The following PRRT4 variants were observed in gnomAD, a reference collection of about 807,000 sequenced individuals.
The protein encoded by PRRT4 is proline-rich transmembrane protein 4.
A neutral mutation model predicts 55.6 loss-of-function variants in PRRT4; 59 were observed. That is an observed-to-expected ratio of 1.06 (90% confidence interval 0.86 to 1.32). PRRT4 has a LOEUF of 1.32. Among genes scored for constraint, PRRT4 ranks in the 40% most tolerant of loss-of-function variants. The pLI is 0.00. For synonymous variants in PRRT4, 606 were observed against 601.8 expected, an observed-to-expected ratio of 1.01 and a Z score of -0.10; for missense variants, 1,217 against 1,222.0, an observed-to-expected ratio of 1.00 and a Z score of 0.06.
At chr7:128,359,594 G>C (rs759050341) in exon 2 of PRRT4, 1 of 1,516,090 alleles carries the variant, frequency 6.6e-7, no homozygotes, top group South Asian at 1.3e-5. Context: ...AGAGCGCCGG[G>C]ATGTGGACTC....
intron 1 of PRRT4, among the ~76,000 whole-genome samples, chr7:128,360,712 A>T (rs922049692): frequency 1.3e-5 from 2 of 149,862 alleles, no homozygotes; most frequent in African/African-American, 4.9e-5. Context: ...CTTCCCTAGG[A>T]CCCTTGAAGT....
chr7:128,351,940 G>A lies in PRRT4; in HGVS notation c.1616C>T (p.Thr539Ile), dbSNP rs1333525576. 11 of 1,295,192 alleles carry A rather than the reference G, an allele frequency of 8.5e-6. No homozygotes were observed. In the East Asian group the frequency reaches 9.4e-5, roughly 11 times the overall value. The allele number at this position is 1,295,192 out of a possible 1,614,324, so 80.2% of individuals were successfully genotyped here. Residue 539 changes from threonine (T) to isoleucine (I), a missense_variant, in exon 5 of 5, where the codon ACA becomes ATA. Thr to Ile is a moderately conservative substitution (Grantham distance 89). Transcript: ENST00000535159. ...GGGGCTGCGCCCCTGCGGCAGGGGTGTGGCGCCCTTGAAGCCCGACCCTCC... is the reference window on the plus strand; with the variant it reads ...GGGGCTGCGCCCCTGCGGCAGGGGTATGGCGCCCTTGAAGCCCGACCCTCC...
chr7:128,356,419 A>G (rs1797112717), intron 4 of PRRT4, among the ~76,000 whole-genome samples: 1 of 152,212 alleles, frequency 6.6e-6, no homozygotes, highest in Non-Finnish European at 1.5e-5. Flanking sequence ...GTGAATGGGG[A>G]CAGGTGGAAA....
chr7:128,351,805 C>T (rs1796981217), exon 5 of PRRT4: 2 of 1,418,888 alleles, frequency 1.4e-6, no homozygotes, highest in South Asian at 1.5e-5. Context: ...GCCGCCGTAG[C>T]CCAGGGCGTG....
At chr7:128,357,466 C>T (rs886399635) in intron 4 of PRRT4, among the ~76,000 whole-genome samples, 1 of 152,128 alleles carries the variant, frequency 6.6e-6, no homozygotes, top group African/African-American at 2.4e-5. Context: ...CCAGCGCTGT[C>T]ACCAAGGCCG....
At chr7:128,352,316 C>T (rs1408007732) in exon 5 of PRRT4, 1 of 1,542,058 alleles carries the variant, frequency 6.5e-7, no homozygotes, top group Non-Finnish European at 8.7e-7. Flanking sequence ...AGCGGGAAGG[C>T]CCGCGTGGTC....
chr7:128,359,059 T>G, intron 3 of PRRT4, 90 bp downstream of exon 4: 2 of 1,381,054 alleles, frequency 1.4e-6, no homozygotes, highest in Non-Finnish European at 2.0e-6. Context: ...TGCAAGAAAG[T>G]AAAAAAAGAA....
At chr7:128,352,318 C>A (rs1399597183) in exon 5 of PRRT4, 1 of 1,542,088 alleles carries the variant, frequency 6.5e-7, no homozygotes, top group South Asian at 1.2e-5. Flanking sequence ...CGGGAAGGCC[C>A]GCGTGGTCCC....
chr7:128,351,996 G>C, exon 5 of PRRT4: 4 of 1,309,030 alleles, frequency 3.1e-6, no homozygotes, highest in Non-Finnish European at 3.9e-6. Context: ...GCCGCCGCCC[G>C]CCCCAGCAGG....
At chr7:128,354,212 A>AC (rs1221419657) in intron 4 of PRRT4, among the ~76,000 whole-genome samples, 2 of 152,042 alleles carry the variant, frequency 1.3e-5, no homozygotes. Context: ...ACACAGGAAG[A>AC]CCCCAGGAGC....
Position 128,352,185 on chromosome 7 carries a change from C to A in PRRT4, c.1371G>T (p.Arg457=), listed in dbSNP as rs755513323. The A allele has an allele frequency of 1.6e-5, 23 of 1,429,572 alleles. No homozygotes were observed. In the South Asian group the frequency reaches 3.4e-4, roughly 21 times the overall value. The allele number at this position is 1,429,572 out of a possible 1,614,324, so 88.6% of individuals were successfully genotyped here. The change falls in exon 5 of 5, where the codon CGG becomes CGT. Residue 457 remains arginine (R), a synonymous_variant. Transcript: ENST00000535159. ...CGGTGGGGCACCGCGGCGGGCGCGG[C>A]CGGGCCAGCAGCAGGCAGGCCAGCC...
rs374958372 is a variant in PRRT4, at chr7:128,358,703, G to A, written c.855C>T (p.Ala285=). 4.5e-6 allele frequency: 7 copies of A among 1,551,734 alleles called. No homozygotes were observed. The highest frequency in any genetic ancestry group is 5.2e-6 in the Non-Finnish European group (6 of 1,147,008). The change falls in exon 4 of 5, where the codon GCC becomes GCT. Residue 285 remains alanine, a synonymous_variant. Coordinates refer to ENST00000535159, the Ensembl canonical transcript of PRRT4. This position sits in a 1 kb window ranked among gnomAD's most constrained non-coding sequence, Gnocchi z 4.4. ...TACCTAATGATGTTGTTGCAATCGAGGCAAAACTTAGGGAAGCAGCTGGGT... is the reference window on the plus strand; with the variant it reads ...TACCTAATGATGTTGTTGCAATCGAAGCAAAACTTAGGGAAGCAGCTGGGT...
exon 5 of PRRT4, chr7:128,352,477 C>A (rs1433347632): frequency 1.3e-6 from 2 of 1,540,156 alleles, no homozygotes; most frequent in Non-Finnish European, 1.7e-6. Flanking sequence ...CCAGGCCAGC[C>A]CCCAGCGAGC....
chr7:128,359,313 T>C (rs769807393), intron 2 of PRRT4, 27 bp downstream of exon 3: 9 of 1,515,224 alleles, frequency 5.9e-6, no homozygotes, highest in Admixed American at 2.3e-5. Context: ...CAGCAGGGGC[T>C]TTCCTTGGGA....
chr7:128,356,581 C>G (rs1797115801), intron 4 of PRRT4, among the ~76,000 whole-genome samples: 1 of 152,254 alleles, frequency 6.6e-6, no homozygotes, highest in Non-Finnish European at 1.5e-5. Context: ...CTCTCCTGAG[C>G]AAGCCTCCTT....
chr7:128,352,797 A>T, intron 4 of PRRT4, 119 bp from the exon 6 acceptor site: 1 of 1,033,334 alleles, frequency 9.7e-7, no homozygotes, highest in Non-Finnish European at 1.4e-6. Flanking sequence ...CACTTGTCTT[A>T]CATATGAGAC....
chr7:128,351,404 C>G (rs1232313756), exon 5 of PRRT4: 4 of 1,538,336 alleles, frequency 2.6e-6, no homozygotes, highest in Non-Finnish European at 3.5e-6. Context: ...CGGAAGTCCA[C>G]GGTGTAATCG....
At chr7:128,351,677 G>T in exon 5 of PRRT4, 1 of 1,512,538 alleles carries the variant, frequency 6.6e-7, no homozygotes, top group Non-Finnish European at 8.8e-7. Context: ...GGCACGCGAG[G>T]ACTGCAGAGC....
chr7:128,359,713 C>T, exon 2 of PRRT4: 1 of 1,551,596 alleles, frequency 6.4e-7, no homozygotes, highest in Non-Finnish European at 8.7e-7. Context: ...GGTCAGTCCT[C>T]AGCCCACTGG....
Sources: gnomAD v4.1 joint callset for allele counts (sites outside exome capture counted in the v4.1 genomes callset) on GRCh38, gnomAD v4.1.1 for gene constraint, Gnocchi (gnomAD v3.1) non-coding constraint, MANE v1.5 for transcripts, NCBI Gene and HGNC (gene_info 2026-07-23, HGNC 2026-07-21) for gene names.